CDH4: variants seen among roughly 807,000 people sequenced by gnomAD.
The protein encoded by CDH4 is cadherin-4.
CDH4 carries 33 observed loss-of-function variants against 86.0 expected under a neutral mutation model. That is an observed-to-expected ratio of 0.38 (90% CI 0.29 to 0.51). The LOEUF (loss-of-function observed/expected upper bound fraction) is 0.51, where lower values mean the gene tolerates loss of function less well. Ranked by LOEUF, CDH4 falls within the 20% of genes least tolerant of loss-of-function variation. The pLI, the probability that CDH4 is intolerant of heterozygous loss-of-function variation, is 0.86. For missense variants in CDH4, 1,114 were observed against 1,307.4 expected, an observed-to-expected ratio of 0.85 and a Z score of 2.28; for synonymous variants, 555 against 549.4, an observed-to-expected ratio of 1.01 and a Z score of -0.14.
chr20:61,257,639 G>T (rs757242677), intron 2 of CDH4, among the ~76,000 whole-genome samples: 1 of 152,244 alleles, frequency 6.6e-6, no homozygotes, highest in Non-Finnish European at 1.5e-5. Context: ...ATGCATGGCC[G>T]TATCTAAAAT....
chr20:61,828,703 C>T (rs1353663470), intron 4 of CDH4, among the ~76,000 whole-genome samples: 1 of 152,248 alleles, frequency 6.6e-6, no homozygotes, highest in African/African-American at 2.4e-5. Context: ...CTCTGCACTT[C>T]ACTTCTGTGT....
At chr20:61,893,539 T>C (rs143109534) in intron 7 of CDH4, among the ~76,000 whole-genome samples, 182 of 118,392 alleles carry the variant, frequency 1.5e-3, no homozygotes, top group African/African-American at 5.4e-3. Context: ...AGAGAGATGG[T>C]GGATGGGTGC....
At chr20:61,932,852 GCATGCACA>G (rs1332176268) in intron 13 of CDH4, 125 bp from the exon 14 acceptor site, 1 of 1,173,662 alleles carries the variant, frequency 8.5e-7, no homozygotes, top group Non-Finnish European at 1.2e-6. Context: ...GTACAGGTGT[GCATGCACA>G]CATGGGCACA....
intron 2 of CDH4, among the ~76,000 whole-genome samples, chr20:61,639,547 A>G (rs1323308399): frequency 6.6e-6 from 1 of 152,228 alleles, no homozygotes; most frequent in African/African-American, 2.4e-5. Context: ...TAAGGACTTG[A>G]TGAAAGCCTT....
chr20:61,300,606 G>A (rs544011860), intron 2 of CDH4, among the ~76,000 whole-genome samples: 6 of 152,104 alleles, frequency 3.9e-5, no homozygotes, highest in Admixed American at 1.3e-4. Flanking sequence ...CTTTGGACCC[G>A]TCTCCCGGGT....
intron 2 of CDH4, among the ~76,000 whole-genome samples, chr20:61,550,613 T>C (rs2145672777): frequency 6.7e-6 from 1 of 148,802 alleles, no homozygotes; most frequent in Middle Eastern, 3.5e-3. Context: ...TCCTCCTCCC[T>C]GATAGTTCAT....
intron 4 of CDH4, among the ~76,000 whole-genome samples, chr20:61,773,841 C>G (rs1044379912): frequency 3.3e-5 from 5 of 152,118 alleles, no homozygotes; most frequent in Admixed American, 6.5e-5. Flanking sequence ...AATGAGGGTC[C>G]CCAGAGTGTG....
In CDH4 at chr20:61,330,481, G is replaced by T. The variant is rs533994586; in HGVS notation, c.169+75544G>T. On this transcript the variant is annotated intron_variant, in intron 2 of 15. Transcript: ENST00000614565. ...CTAATGATCAGTGATGTTGAGCTTAGGTTGTCCCTTGTGATGGTTTGATTG... is the reference window on the plus strand; with the variant it reads ...CTAATGATCAGTGATGTTGAGCTTATGTTGTCCCTTGTGATGGTTTGATTG... Among the ~76,000 whole-genome samples, 4 of 152,314 alleles carry T rather than the reference G, an allele frequency of 2.6e-5. No individual in the cohort carries two copies. In the South Asian group the frequency reaches 8.3e-4, roughly 32 times the overall value.
intron 2 of CDH4, among the ~76,000 whole-genome samples, chr20:61,308,153 A>G (rs1203624179): frequency 6.6e-6 from 1 of 152,174 alleles, no homozygotes; most frequent in African/African-American, 2.4e-5. Context: ...GCATGCAAAT[A>G]TTCCTTTCGT....
chr20:61,584,204 T>C (rs2086453078), intron 2 of CDH4, among the ~76,000 whole-genome samples: 1 of 152,122 alleles, frequency 6.6e-6, no homozygotes, highest in Non-Finnish European at 1.5e-5. Context: ...CTAAACTCCT[T>C]CTAGTGGCTT....
At chr20:61,930,998 C>T (rs112303087) in intron 13 of CDH4, among the ~76,000 whole-genome samples, 11 of 152,326 alleles carry the variant, frequency 7.2e-5, no homozygotes, top group African/African-American at 1.7e-4. Context: ...GGAGGGCATC[C>T]GCAGTGGGGC....
intron 2 of CDH4, among the ~76,000 whole-genome samples, chr20:61,407,511 T>C (rs1475908027): frequency 6.6e-6 from 1 of 152,224 alleles, no homozygotes; most frequent in African/African-American, 2.4e-5. Context: ...AAGGCCTAAA[T>C]GGCTACAACC....
chr20:61,843,932 G>A (rs1427892404), intron 4 of CDH4, among the ~76,000 whole-genome samples: 1 of 152,192 alleles, frequency 6.6e-6, no homozygotes, highest in Admixed American at 6.5e-5. Context: ...GCTCTGGGAA[G>A]CGCCACTCAC....
intron 2 of CDH4, among the ~76,000 whole-genome samples, chr20:61,432,409 C>T (rs1401063137): frequency 2.6e-5 from 4 of 152,156 alleles, no homozygotes; most frequent in African/African-American, 9.7e-5. Flanking sequence ...CATATTTTCA[C>T]GTTCTCCTTG....
chr20:61,610,080 A>T (rs1270708062), intron 2 of CDH4, among the ~76,000 whole-genome samples: 1 of 152,104 alleles, frequency 6.6e-6, no homozygotes, highest in African/African-American at 2.4e-5. Flanking sequence ...CAAACACTAG[A>T]ACTTATTATT....
At chr20:61,485,885 C>G (rs1427649337) in intron 2 of CDH4, among the ~76,000 whole-genome samples, 1 of 152,240 alleles carries the variant, frequency 6.6e-6, no homozygotes, top group Non-Finnish European at 1.5e-5. Context: ...CTCCACGTTC[C>G]TCTGATCCTC....
At chr20:61,827,398 G>A (rs1192223647) in intron 4 of CDH4, among the ~76,000 whole-genome samples, 2 of 152,170 alleles carry the variant, frequency 1.3e-5, no homozygotes, top group African/African-American at 2.4e-5. Context: ...TATTGGTATT[G>A]CTATTTTGAG....
At chr20:61,697,470 C>T (rs2087726693) in intron 2 of CDH4, among the ~76,000 whole-genome samples, 1 of 152,086 alleles carries the variant, frequency 6.6e-6, no homozygotes, top group Non-Finnish European at 1.5e-5. Flanking sequence ...TGGTGGTGGA[C>T]ACTTGTAATG....
chr20:61,885,413 T>A (rs1427220155), intron 7 of CDH4, among the ~76,000 whole-genome samples: 2 of 152,214 alleles, frequency 1.3e-5, no homozygotes, highest in Non-Finnish European at 2.9e-5. Context: ...GCATGGCGTT[T>A]CGTGTCTGGT....
Sources: gnomAD v4.1 joint callset for allele counts (sites outside exome capture counted in the v4.1 genomes callset) on GRCh38, gnomAD v4.1.1 for gene constraint, MANE v1.5 for transcripts, NCBI Gene and HGNC (gene_info 2026-07-23, HGNC 2026-07-21) for gene names.